The following MAN1C1 variants were observed in gnomAD, a reference collection of about 807,000 sequenced individuals.
MAN1C1 encodes mannosyl-oligosaccharide 1,2-alpha-mannosidase IC.
In MAN1C1, 49 loss-of-function variants were observed where a neutral mutation model predicts 71.5. The ratio of observed to expected loss-of-function variants is 0.69; its 90% confidence interval spans 0.54 to 0.87. MAN1C1 has a LOEUF of 0.87. Ranked by LOEUF, MAN1C1 falls within the 40% of genes least tolerant of loss-of-function variation. The probability of loss-of-function intolerance (pLI) is 0.00; values close to 1 mark genes in which losing one functional copy is unlikely to be tolerated. For synonymous variants in MAN1C1, 352 were observed against 343.7 expected (o/e 1.02, Z -0.27); for missense variants, 743 against 835.0 (o/e 0.89, Z 1.36).
At chr1:25,668,418 T>TG (rs1480122343) in intron 1 of MAN1C1, among the ~76,000 whole-genome samples, 2 of 152,130 alleles carry the variant, frequency 1.3e-5, no homozygotes, top group African/African-American at 4.8e-5. Flanking sequence ...TACTAGAACA[T>TG]GGGGTACATA....
chr1:25,760,721 C>T (rs1243591190), intron 6 of MAN1C1: 3 of 152,272 alleles, frequency 2.0e-5, no homozygotes, highest in Non-Finnish European at 1.5e-5. Flanking sequence ...CTCTCCCGCA[C>T]TCCCGGCCCC....
chr1:25,708,703 G>A (rs2046561099), intron 2 of MAN1C1, among the ~76,000 whole-genome samples: 1 of 152,162 alleles, frequency 6.6e-6, no homozygotes, highest in Non-Finnish European at 1.5e-5. Flanking sequence ...TGGGCAACGT[G>A]GAGAAATCCT....
chr1:25,633,672 A>T (rs551602877), intron 1 of MAN1C1, among the ~76,000 whole-genome samples: 1 of 151,540 alleles, frequency 6.6e-6, no homozygotes, highest in African/African-American at 2.4e-5. Context: ...ATGAATCCTT[A>T]TACGTTAGGT....
At chr1:25,633,685 G>C (rs2124755264) in intron 1 of MAN1C1, among the ~76,000 whole-genome samples, 1 of 152,118 alleles carries the variant, frequency 6.6e-6, no homozygotes, top group Admixed American at 6.5e-5. Context: ...CGTTAGGTGA[G>C]TCTCTTAAAG....
intron 1 of MAN1C1, among the ~76,000 whole-genome samples, chr1:25,679,958 T>TAC (rs2046126685): frequency 2.0e-5 from 2 of 100,096 alleles, no homozygotes; most frequent in Non-Finnish European, 3.9e-5. Context: ...AAAATATATA[T>TAC]ATATATATAT....
chr1:25,698,188 C>T (rs1011120484), intron 2 of MAN1C1, among the ~76,000 whole-genome samples: 1 of 152,206 alleles, frequency 6.6e-6, no homozygotes, highest in South Asian at 2.1e-4. Context: ...CATTCCACTG[C>T]AGCTCTGGTG....
At chr1:25,639,491 C>T (rs2045509500) in intron 1 of MAN1C1, among the ~76,000 whole-genome samples, 1 of 152,172 alleles carries the variant, frequency 6.6e-6, no homozygotes. Context: ...TTTCTCCCCT[C>T]TTTTTGTTGG....
At chr1:25,752,328 G>A (rs2047227925) in intron 4 of MAN1C1, among the ~76,000 whole-genome samples, 1 of 152,090 alleles carries the variant, frequency 6.6e-6, no homozygotes, top group Admixed American at 6.6e-5. Flanking sequence ...TCCTCCACCT[G>A]GCTATTTTTT....
intron 1 of MAN1C1, among the ~76,000 whole-genome samples, chr1:25,652,631 T>A (rs1557749867): frequency 6.6e-6 from 1 of 152,226 alleles, no homozygotes; most frequent in African/African-American, 2.4e-5. Context: ...TGCTTCCTCC[T>A]GAAGCAGAGC....
In MAN1C1 at chr1:25,747,130, C is replaced by G. The variant is rs141150489; in HGVS notation, c.753+347C>G. The stretch of plus-strand genomic sequence containing the variant: ...GATCTATCACACACAGCAGCTGCAG[C>G]AAGTGGGGAATGGCTTTGTGGAGGG... On this transcript the variant is annotated intron_variant, in intron 3 of 11. Coordinates refer to ENST00000374332, the MANE Select transcript of MAN1C1 (RefSeq NM_020379.4). Among the ~76,000 whole-genome samples, 5 of 152,298 alleles carry G rather than the reference C, an allele frequency of 3.3e-5. No individual in the cohort carries two copies. The South Asian group carries it at 1.0e-3, about 32-fold the overall frequency.
At chr1:25,690,745 G>A (rs1266562664) in intron 2 of MAN1C1, among the ~76,000 whole-genome samples, 4 of 152,232 alleles carry the variant, frequency 2.6e-5, no homozygotes, top group South Asian at 4.1e-4. Flanking sequence ...CAGGGGTCCC[G>A]CCTCCAGTCT....
intron 1 of MAN1C1, among the ~76,000 whole-genome samples, chr1:25,643,143 C>T (rs1374219986): frequency 6.6e-6 from 1 of 151,970 alleles, no homozygotes; most frequent in Non-Finnish European, 1.5e-5. Flanking sequence ...TGCAGAGGGA[C>T]GGGGTTGGGG....
intron 1 of MAN1C1, among the ~76,000 whole-genome samples, chr1:25,654,949 C>A (rs1053871303): frequency 4.6e-5 from 7 of 152,138 alleles, no homozygotes; most frequent in African/African-American, 1.4e-4. Flanking sequence ...CGGGCCTAGG[C>A]TGTAAATTTT....
intron 2 of MAN1C1, among the ~76,000 whole-genome samples, chr1:25,729,500 G>A (rs1345858692): frequency 6.7e-6 from 1 of 148,722 alleles, no homozygotes; most frequent in African/African-American, 2.5e-5. Context: ...TTGAGATGGT[G>A]TCTCGCTCTG....
intron 2 of MAN1C1, among the ~76,000 whole-genome samples, chr1:25,739,948 A>G (rs570928353): frequency 1.3e-5 from 2 of 152,224 alleles, no homozygotes; most frequent in East Asian, 3.9e-4. Context: ...GCCCCCCTTG[A>G]AGCCCTCCCC....
At chr1:25,687,712 A>C (rs987866908) in intron 2 of MAN1C1, among the ~76,000 whole-genome samples, 2 of 152,114 alleles carry the variant, frequency 1.3e-5, no homozygotes, top group Non-Finnish European at 2.9e-5. Context: ...CTGACTGTTC[A>C]GACATTTCAC....
chr1:25,766,989 C>T (rs1001420497), intron 7 of MAN1C1, among the ~76,000 whole-genome samples: 7 of 151,998 alleles, frequency 4.6e-5, no homozygotes, highest in Non-Finnish European at 8.8e-5. Flanking sequence ...CTCTGGGGCT[C>T]ACGGACACCA....
chr1:25,619,227 GC>G (rs1237430125), intron 1 of MAN1C1, among the ~76,000 whole-genome samples: 1 of 152,162 alleles, frequency 6.6e-6, no homozygotes, highest in Non-Finnish European at 1.5e-5. Flanking sequence ...TGCAGAGGGG[GC>G]TGCAGTGACA....
intron 2 of MAN1C1, among the ~76,000 whole-genome samples, chr1:25,698,163 G>A (rs911331126): frequency 6.6e-6 from 1 of 152,176 alleles, no homozygotes; most frequent in African/African-American, 2.4e-5. Flanking sequence ...GTGCCATGGG[G>A]TGGCCTCTGT....
Sources: allele counts gnomAD v4.1 joint callset (sites outside exome capture counted in the v4.1 genomes callset), GRCh38; gene constraint gnomAD v4.1.1; transcripts MANE v1.5; gene names NCBI Gene and HGNC (gene_info 2026-07-23, HGNC 2026-07-21).